The following SEMA3E variants were observed in gnomAD, a reference collection of about 807,000 sequenced individuals.
SEMA3E encodes the protein semaphorin 3E.
In SEMA3E, 49 loss-of-function variants were observed where a neutral mutation model predicts 93.6. The ratio of observed to expected loss-of-function variants is 0.52; its 90% CI spans 0.42 to 0.66. The LOEUF is 0.66. Among genes scored for constraint, SEMA3E ranks in the 30% least tolerant of loss-of-function variants. The probability of loss-of-function intolerance (pLI) is 0.00; values close to 1 mark genes in which losing one functional copy is unlikely to be tolerated. For missense variants in SEMA3E, 906 were observed against 964.8 expected, an observed-to-expected ratio of 0.94 and a Z score of 0.81; for synonymous variants, 363 against 330.7, an observed-to-expected ratio of 1.10 and a Z score of -1.06.
rs191020252 is a variant in SEMA3E at position 83,518,977 on chromosome 7, T to G, written c.116-28703A>C. 1.1e-3 allele frequency among the ~76,000 whole-genome samples: 164 copies of G among 152,194 alleles called. 1 individual carries two copies. In the East Asian group the frequency reaches 0.03, roughly 27 times the overall value. ...AGATTTCCTTTCTTTCTTTTTATTT[T>G]ATTATTATTATACTTTAAGTTTTAG... On this transcript the variant is annotated intron_variant, in intron 1 of 16. Transcript: ENST00000643230.
intron 15 of SEMA3E, among the ~76,000 whole-genome samples, chr7:83,386,453 TTTCCTCCA>T (rs1368737036): frequency 5.3e-5 from 8 of 152,076 alleles, no homozygotes; most frequent in African/African-American, 1.9e-4. Context: ...AAAGATGAGA[TTTCCTCCA>T]TTCCTAACCC....
intron 1 of SEMA3E, among the ~76,000 whole-genome samples, chr7:83,492,778 T>C (rs1178629765): frequency 1.3e-5 from 2 of 151,938 alleles, no homozygotes; most frequent in Non-Finnish European, 2.9e-5. Flanking sequence ...AACCACTGTG[T>C]GACAGTTTAA....
At position 83,547,462 on chromosome 7, in the gene SEMA3E, A is replaced by T. The variant is rs539613312; in HGVS notation, c.116-57188T>A. On this transcript the variant is annotated intron_variant, in intron 1 of 16. Coordinates refer to ENST00000643230, the MANE Select transcript of SEMA3E (RefSeq NM_012431.3). ...CTATGTAAGAAAACCATCAACTCTG[A>T]TTTTCTTTATGGGTGTGATTTCCCT... 2.0e-5 allele frequency among the ~76,000 whole-genome samples: 3 copies of T among 152,022 alleles called. No individual in the cohort carries two copies. In the East Asian group the frequency reaches 5.8e-4, roughly 29 times the overall value.
intron 11 of SEMA3E, among the ~76,000 whole-genome samples, chr7:83,399,035 CAATATT>C (rs1326293356): frequency 1.3e-5 from 2 of 152,110 alleles, no homozygotes; most frequent in African/African-American, 2.4e-5. Context: ...GCCCAAGCAC[CAATATT>C]AATATTAATA....
intron 1 of SEMA3E, among the ~76,000 whole-genome samples, chr7:83,561,033 T>G (rs1792019956): frequency 6.6e-6 from 1 of 152,048 alleles, no homozygotes; most frequent in Non-Finnish European, 1.5e-5. Flanking sequence ...TAATATGTGA[T>G]CATGGAAATG....
intron 16 of SEMA3E, among the ~76,000 whole-genome samples, chr7:83,374,206 CAAAAAAAAAAA>C (rs71074647): frequency 1.1e-5 from 1 of 93,350 alleles, no homozygotes; most frequent in African/African-American, 4.4e-5. Flanking sequence ...AACTGCGTCT[CAAAAAAAAAAA>C]AAAAAAAAAA....
intron 2 of SEMA3E, among the ~76,000 whole-genome samples, chr7:83,478,322 G>A (rs1790065935): frequency 6.6e-6 from 1 of 151,958 alleles, no homozygotes; most frequent in African/African-American, 2.4e-5. Flanking sequence ...GAAACTGAAA[G>A]TTTATTACCA....
chr7:83,394,645 TAAATA>T (rs1465687886), intron 12 of SEMA3E, among the ~76,000 whole-genome samples: 2 of 152,216 alleles, frequency 1.3e-5, no homozygotes, highest in African/African-American at 4.8e-5. Context: ...CAAGTATCTT[TAAATA>T]AAATAATAAA....
chr7:83,578,419 G>T (rs1792452478), intron 1 of SEMA3E, among the ~76,000 whole-genome samples: 1 of 152,058 alleles, frequency 6.6e-6, no homozygotes, highest in Admixed American at 6.6e-5. Flanking sequence ...AGCCAGGTAT[G>T]GTGGCAGATG....
intron 1 of SEMA3E, among the ~76,000 whole-genome samples, chr7:83,570,886 T>TA (rs148320695): frequency 0.21 from 31,857 of 149,910 alleles, 3,510 homozygotes; most frequent in Middle Eastern, 0.29. Flanking sequence ...CCACAGAAAT[T>TA]TAAAAAAAGA....
At chr7:83,523,811 ATTTTTC>A (rs1791099064) in intron 1 of SEMA3E, among the ~76,000 whole-genome samples, 1 of 151,946 alleles carries the variant, frequency 6.6e-6, no homozygotes, top group Non-Finnish European at 1.5e-5. Context: ...ATATACACGT[ATTTTTC>A]TTTTTTAAGA....
chr7:83,464,305 G>C (rs1167672165), intron 4 of SEMA3E, among the ~76,000 whole-genome samples: 1 of 151,638 alleles, frequency 6.6e-6, no homozygotes. Context: ...GCCCATTTAA[G>C]CTCCTGTATA....
At chr7:83,558,580 T>C (rs1791966443) in intron 1 of SEMA3E, among the ~76,000 whole-genome samples, 1 of 152,110 alleles carries the variant, frequency 6.6e-6, no homozygotes, top group Non-Finnish European at 1.5e-5. Flanking sequence ...ATAGACCTAT[T>C]AATATCAGTA....
At chr7:83,510,714 A>G (rs1446537529) in intron 1 of SEMA3E, among the ~76,000 whole-genome samples, 2 of 152,192 alleles carry the variant, frequency 1.3e-5, no homozygotes, top group Admixed American at 6.5e-5. Context: ...AACTCACTCT[A>G]TTTATTAAAA....
chr7:83,400,451 G>C (rs1024413088), intron 10 of SEMA3E, among the ~76,000 whole-genome samples: 7 of 151,630 alleles, frequency 4.6e-5, no homozygotes, highest in Non-Finnish European at 7.4e-5. Context: ...TTGTTATATA[G>C]GTAAACTCAT....
At chr7:83,375,300 A>AT (rs1387925471) in intron 16 of SEMA3E, among the ~76,000 whole-genome samples, 1 of 152,158 alleles carries the variant, frequency 6.6e-6, no homozygotes, top group East Asian at 1.9e-4. Context: ...ACTCCTTATG[A>AT]TAAGTACATC....
At chr7:83,481,962 C>A (rs1790153794) in intron 2 of SEMA3E, among the ~76,000 whole-genome samples, 1 of 152,170 alleles carries the variant, frequency 6.6e-6, no homozygotes, top group Non-Finnish European at 1.5e-5. Context: ...CATTTCACAA[C>A]CCTCATGCAC....
chr7:83,595,240 T>C (rs1000905669), intron 1 of SEMA3E, among the ~76,000 whole-genome samples: 1 of 152,128 alleles, frequency 6.6e-6, no homozygotes, highest in African/African-American at 2.4e-5. Flanking sequence ...AAAAGCATCC[T>C]CATACTAATG....
chr7:83,465,728 C>T (rs1172863737), intron 4 of SEMA3E, among the ~76,000 whole-genome samples: 1 of 152,130 alleles, frequency 6.6e-6, no homozygotes, highest in African/African-American at 2.4e-5. Context: ...TGAAAAATAA[C>T]AGATTCTACA....
Sources: allele counts gnomAD v4.1 joint callset (sites outside exome capture counted in the v4.1 genomes callset), GRCh38; gene constraint gnomAD v4.1.1; transcripts MANE v1.5; gene names NCBI Gene and HGNC (gene_info 2026-07-23, HGNC 2026-07-21).